The following ZNF577 variants were observed in gnomAD, a reference collection of about 807,000 sequenced individuals.
The protein encoded by ZNF577 is zinc finger protein 577.
In ZNF577, 14 loss-of-function variants were observed where a neutral mutation model predicts 13.9. That is an observed-to-expected ratio of 1.00 (90% CI 0.66 to 1.57). The LOEUF is 1.57. ZNF577 is among the 40% of genes most tolerant of loss of function. ZNF577 has a pLI of 0.00. For synonymous variants in ZNF577, 203 were observed against 202.9 expected (o/e 1.00, Z 0.00); for missense variants, 555 against 579.2 (o/e 0.96, Z 0.43).
chr19:51,863,089 G>A (rs2084521392), downstream of ZNF577: 1 of 152,168 alleles, frequency 6.6e-6, no homozygotes. Flanking sequence ...TCTCACTCCT[G>A]TTTGAGTTTG....
In ZNF577 at chr19:51,872,308, C is replaced by A. The variant is rs899379242; in HGVS notation, c.*224G>T. On this transcript the variant is annotated 3_prime_UTR_variant, in exon 6 of 6. Transcript: ENST00000638348. ...TTTCATAAATATTCCTGTAAGAATT[C>A]TTTTGATACCAATTGAGATATCATC... is the stretch of plus-strand genomic sequence containing the variant. 4 of 426,630 alleles carry A rather than the reference C, an allele frequency of 9.4e-6. No homozygotes were observed. Among genetic ancestry groups the A allele is most frequent in the Non-Finnish European group, 1.7e-5 (4 of 240,656 alleles). The allele number at this position is 426,630 out of a possible 1,614,324, so 26.4% of individuals were successfully genotyped here. A position where few individuals can be genotyped will look rare whatever the true frequency, so the allele number is the denominator to read the frequency against.
downstream of ZNF577, among the ~76,000 whole-genome samples, chr19:51,866,112 T>TA (rs77138668): frequency 0.018 from 2,547 of 139,104 alleles, 39 homozygotes; most frequent in African/African-American, 0.042. Context: ...AGACTCCATC[T>TA]AAAAAAAAAA....
Position 51,824,421 on chromosome 19 carries a change from G to A in ZNF577, c.*600-12747C>T, listed in dbSNP as rs771806602. The stretch of plus-strand genomic sequence containing the variant: ...CATCACAGTCTGCTATGGGATCATC[G>A]CTGCCAAAATTCACAGAAACCACAT... On this transcript the variant is annotated intron_variant and NMD_transcript_variant, in intron 9 of 10. Coordinates refer to the ZNF577 transcript ENST00000638827. The surrounding 1 kb of genome is among the most constrained non-coding windows in gnomAD (Gnocchi z 4.7). 11 of 1,613,910 alleles carry A rather than the reference G, an allele frequency of 6.8e-6. No homozygotes were observed. Among genetic ancestry groups the A allele is most frequent in the South Asian group, 2.2e-5 (2 of 91,082 alleles).
rs1203653706 is a variant in ZNF577 at position 51,871,766 on chromosome 19, G to C, written c.*766C>G. 6.6e-6 allele frequency: 1 copy of C among 152,122 alleles called. No homozygotes were observed. Among genetic ancestry groups the C allele is most frequent in the Non-Finnish European group, 1.5e-5 (1 of 68,036 alleles). 9.4% of individuals were successfully genotyped at this position (152,122 alleles called of 1,614,324 possible). A position where few individuals can be genotyped will look rare whatever the true frequency, so the allele number is the denominator to read the frequency against. ...AGACTGATTGGCCATTGCTGGTTTT[G>C]AAAGGAGGCCCCAAACCACAGAATT... On this transcript the variant is annotated 3_prime_UTR_variant, in exon 6 of 6. Coordinates refer to ENST00000638348, the MANE Select transcript of ZNF577 (RefSeq NM_001370449.1).
chr19:51,845,393 G>A, intron 5 of ZNF577, among the ~76,000 whole-genome samples: 1 of 152,032 alleles, frequency 6.6e-6, no homozygotes, highest in African/African-American at 2.4e-5. Context: ...GGAGGCTGAG[G>A]CAGGAGAATC....
At chr19:51,884,087 G>A (rs894899832) in intron 1 of ZNF577, among the ~76,000 whole-genome samples, 1 of 151,860 alleles carries the variant, frequency 6.6e-6, no homozygotes, top group Non-Finnish European at 1.5e-5. Flanking sequence ...AAAAAGATAA[G>A]GAAAGAAATT....
Position 51,880,312 on chromosome 19 carries a change from G to A in ZNF577, c.60+11C>T, listed in dbSNP as rs374050006. ...AAGTTTCTCAAGCTCTCACAGCAATGACAAATTTACCTCCCCTGAAGAACT... is the reference window on the plus strand; with the variant it reads ...AAGTTTCTCAAGCTCTCACAGCAATAACAAATTTACCTCCCCTGAAGAACT... On this transcript the variant is annotated intron_variant, in intron 3 of 5. Transcript: ENST00000638348. 6 of 1,613,482 alleles carry A rather than the reference G, an allele frequency of 3.7e-6. No homozygotes were observed. In the African/African-American group the frequency reaches 6.7e-5, roughly 18 times the overall value.
chr19:51,848,117 C>T (rs1341746366), intron 5 of ZNF577, among the ~76,000 whole-genome samples: 1 of 152,216 alleles, frequency 6.6e-6, no homozygotes, highest in Non-Finnish European at 1.5e-5. Context: ...CTAACTGATC[C>T]TTTCTAATCT....
chr19:51,874,126 C>T lies in ZNF577; in HGVS notation c.284-420G>A, dbSNP rs183059824. Among the ~76,000 whole-genome samples the T allele has an allele frequency of 3.7e-3, 569 of 152,280 alleles. 3 individuals carry two copies. The highest frequency in any genetic ancestry group is 0.013 in the African/African-American group (544 of 41,548). On this transcript the variant is annotated intron_variant, in intron 5 of 5. Transcript: ENST00000638348. ...ATACAACTTGGGCTGCCTCCCAAAT[C>T]GGACCTTGCAAATGGAGACAGAATA...
intron 9 of ZNF577, among the ~76,000 whole-genome samples, chr19:51,813,390 G>A (rs191883747): frequency 3.3e-5 from 5 of 151,988 alleles, no homozygotes; most frequent in Middle Eastern, 3.4e-3. Flanking sequence ...CCATCACCTT[G>A]GTATGAGCAA....
chr19:51,880,239 G>T, intron 3 of ZNF577, 84 bp downstream of exon 3: 1 of 1,385,026 alleles, frequency 7.2e-7, no homozygotes, highest in Non-Finnish European at 1.0e-6. Flanking sequence ...TTTATTACAA[G>T]GCTGACTTTG....
Position 51,872,666 on chromosome 19 carries a change from G to A in ZNF577, c.1324C>T (p.Gln442Ter), listed in dbSNP as rs779070191. 1 of 1,614,190 alleles carries A rather than the reference G, an allele frequency of 6.2e-7. No homozygotes were observed. The highest frequency in any genetic ancestry group is 8.5e-7 in the Non-Finnish European group (1 of 1,180,030). Residue 442 changes from glutamine (Q) to a stop codon, truncating the protein, a stop_gained, in exon 6 of 6, where the codon CAA becomes TAA. Transcript: ENST00000638348. LOFTEE classifies it low-confidence loss of function (END_TRUNC). ...AAGGCTTGATTTCTTGGAAAAGGTT[G>A]TTCCACAATCACTACATTTCTGCCC... ...LVGRNVVIVE[Q>*]PFPRNQAFVV...
intron 3 of ZNF577, among the ~76,000 whole-genome samples, chr19:51,879,274 A>AG (rs2084821500): frequency 6.6e-6 from 1 of 150,838 alleles, no homozygotes; most frequent in East Asian, 2.0e-4. Flanking sequence ...AAAAAAAAAA[A>AG]AAAGTAATAA....
At chr19:51,877,135 A>G in intron 5 of ZNF577, 147 bp downstream of exon 5, 1 of 610,202 alleles carries the variant, frequency 1.6e-6, no homozygotes, top group Non-Finnish European at 2.9e-6. Flanking sequence ...TTAGGGATGG[A>G]CACAGATGCA....
In ZNF577 at chr19:51,870,556, T is replaced by C. The variant is rs532070512; in HGVS notation, c.*1976A>G. On this transcript the variant is annotated 3_prime_UTR_variant, in exon 6 of 6. Transcript: ENST00000638348. ...ACTCCAGCTGGTGGAAATGCTTGTGTGTAATCCAAGGATTTTTCTGCGTGT... is the reference window on the plus strand; with the variant it reads ...ACTCCAGCTGGTGGAAATGCTTGTGCGTAATCCAAGGATTTTTCTGCGTGT... Among the ~76,000 whole-genome samples, 116 of 152,326 alleles carry C rather than the reference T, an allele frequency of 7.6e-4. No homozygotes were observed. The highest frequency in any genetic ancestry group is 2.5e-3 in the African/African-American group (105 of 41,574).
intron 9 of ZNF577, among the ~76,000 whole-genome samples, chr19:51,818,871 T>A (rs2084165943): frequency 6.6e-6 from 1 of 152,190 alleles, no homozygotes; most frequent in Non-Finnish European, 1.5e-5. Flanking sequence ...AAGAATAACA[T>A]CATTGTCTTA....
intron 6 of ZNF577, among the ~76,000 whole-genome samples, chr19:51,844,291 A>C (rs561616585): frequency 6.6e-6 from 1 of 152,212 alleles, no homozygotes; most frequent in Non-Finnish European, 1.5e-5. Context: ...TGCCTTTTAT[A>C]TCTCCCACAT....
chr19:51,883,657 G>A (rs928033402), intron 1 of ZNF577, among the ~76,000 whole-genome samples: 4 of 151,972 alleles, frequency 2.6e-5, no homozygotes, highest in African/African-American at 9.7e-5. Flanking sequence ...AGAGATCTAA[G>A]AGATACAACA....
chr19:51,873,210 A>G lies in ZNF577; in HGVS notation c.780T>C (p.His260=). ...GTTTCTCTCCAGTATGTGATCGCTGATGTCTATTGAGCCGGCACTTCCGGC... is the reference window on the plus strand; with the variant it reads ...GTTTCTCTCCAGTATGTGATCGCTGGTGTCTATTGAGCCGGCACTTCCGGC... ...AFSRKCRLNR[H]QRSHTGEKLY... is the part of the protein sequence containing the mutation. Residue 260 remains histidine (H), a synonymous_variant, in exon 6 of 6, where the codon CAT becomes CAC. Transcript: ENST00000638348. 6.2e-7 allele frequency: 1 copy of G among 1,613,996 alleles called. No individual in the cohort carries two copies. The highest frequency in any genetic ancestry group is 1.1e-5 in the South Asian group (1 of 91,070).
Sources: gnomAD v4.1 joint callset for allele counts (sites outside exome capture counted in the v4.1 genomes callset) on GRCh38, gnomAD v4.1.1 for gene constraint, Gnocchi (gnomAD v3.1) non-coding constraint, MANE v1.5 for transcripts, NCBI Gene and HGNC (gene_info 2026-07-23, HGNC 2026-07-21) for gene names.